The following PUS7 variants were observed in gnomAD, a reference collection of about 807,000 sequenced individuals.
The protein encoded by PUS7 is pseudouridylate synthase 7 homolog.
PUS7 carries 48 observed loss-of-function variants against 79.8 expected under a neutral mutation model. That is an observed-to-expected ratio of 0.60 (90% CI 0.48 to 0.76). PUS7 has a LOEUF of 0.76. Among genes scored for constraint, PUS7 ranks in the 30% least tolerant of loss-of-function variants. PUS7 has a pLI of 0.00. For missense variants in PUS7, 729 were observed against 797.6 expected, an observed-to-expected ratio of 0.91 and a Z score of 1.04; for synonymous variants, 286 against 272.2, an observed-to-expected ratio of 1.05 and a Z score of -0.50.
chr7:105,463,672 A>T (rs1343506501), intron 13 of PUS7, among the ~76,000 whole-genome samples: 4 of 151,682 alleles, frequency 2.6e-5, no homozygotes, highest in African/African-American at 9.7e-5. Context: ...CATCTTACTA[A>T]ATTATTTATT....
chr7:105,479,514 G>T (rs541698846), intron 9 of PUS7, among the ~76,000 whole-genome samples: 1 of 152,154 alleles, frequency 6.6e-6, no homozygotes, highest in Admixed American at 6.6e-5. Context: ...ACTCCCACGC[G>T]AATAATTAGT....
intron 12 of PUS7, 137 bp from the exon 13 acceptor site, chr7:105,465,551 T>C (rs1823604513): frequency 6.0e-6 from 4 of 662,604 alleles, no homozygotes; most frequent in Non-Finnish European, 9.8e-6. Context: ...GCTTAAATTA[T>C]GCCAGGTGCG....
intron 7 of PUS7, among the ~76,000 whole-genome samples, chr7:105,487,978 G>A (rs1000923201): frequency 7.9e-5 from 12 of 152,134 alleles, no homozygotes; most frequent in African/African-American, 2.2e-4. Context: ...AAGTTCCCAC[G>A]GGAAAGGCCA....
At chr7:105,467,700 C>T (rs953690783) in intron 12 of PUS7, among the ~76,000 whole-genome samples, 4 of 151,900 alleles carry the variant, frequency 2.6e-5, no homozygotes, top group Non-Finnish European at 5.9e-5. Context: ...TAGCCCAAAT[C>T]CTATTTGAGT....
At chr7:105,458,455 C>T (rs762667914) in intron 15 of PUS7, among the ~76,000 whole-genome samples, 3 of 150,244 alleles carry the variant, frequency 2.0e-5, no homozygotes, top group Non-Finnish European at 4.4e-5. Flanking sequence ...TCAGTAGAGA[C>T]GGGGTTTTGT....
At position 105,506,335 on chromosome 7, in the gene PUS7, T is replaced by C. The variant is rs1825457189; in HGVS notation, c.399-62A>G. The C allele has an allele frequency of 1.9e-5, 24 of 1,234,298 alleles. No homozygotes were observed. The South Asian group carries it at 2.7e-4, about 14-fold the overall frequency. 76.5% of individuals were successfully genotyped at this position (1,234,298 alleles called of 1,614,324 possible). A position where few individuals can be genotyped will look rare whatever the true frequency, so the allele number is the denominator to read the frequency against. The stretch of plus-strand genomic sequence containing the variant: ...ATCCTGTTTTCTATTAATTTTAAGA[T>C]AAAGTTGATCAACAGCAAGCCTTAC... On this transcript the variant is annotated intron_variant, in intron 2 of 15. Transcript: ENST00000469408.
chr7:105,501,669 G>A (rs1825253615), intron 5 of PUS7, among the ~76,000 whole-genome samples: 1 of 151,844 alleles, frequency 6.6e-6, no homozygotes, highest in Non-Finnish European at 1.5e-5. Context: ...CAATACAGGG[G>A]TCTTGGCCGG....
intron 1 of PUS7, among the ~76,000 whole-genome samples, chr7:105,516,734 C>T (rs934507028): frequency 1.2e-4 from 19 of 152,014 alleles, no homozygotes; most frequent in Non-Finnish European, 2.6e-4. Flanking sequence ...GGATTACAGG[C>T]GTGAGCCAGT....
chr7:105,512,519 G>A (rs879749713), intron 1 of PUS7, among the ~76,000 whole-genome samples: 4 of 152,190 alleles, frequency 2.6e-5, no homozygotes, highest in Non-Finnish European at 4.4e-5. Context: ...GAAGAGGAAG[G>A]AAAAGCAGGA....
At chr7:105,521,226 T>C (rs796504748) in intron 1 of PUS7, among the ~76,000 whole-genome samples, 1 of 149,960 alleles carries the variant, frequency 6.7e-6, no homozygotes, top group Admixed American at 6.7e-5. Flanking sequence ...GATTAGAGGC[T>C]TGGGGATGGG....
chr7:105,463,096 G>A (rs989732606), intron 13 of PUS7, among the ~76,000 whole-genome samples: 15 of 152,320 alleles, frequency 9.8e-5, no homozygotes, highest in Admixed American at 7.2e-4. Context: ...AGCATATACA[G>A]AGGCTTCAAA....
At chr7:105,459,342 AG>A in intron 14 of PUS7, 83 bp from the exon 15 acceptor site, 1 of 803,772 alleles carries the variant, frequency 1.2e-6, no homozygotes, top group Non-Finnish European at 1.9e-6. Flanking sequence ...TTATTTAGCA[AG>A]AAAAACAAGT....
intron 4 of PUS7, among the ~76,000 whole-genome samples, chr7:105,504,582 T>A (rs181882540): frequency 6.6e-6 from 1 of 152,320 alleles, no homozygotes; most frequent in South Asian, 2.1e-4. Flanking sequence ...AGCTTGCCCA[T>A]AGTTTATGCC....
At chr7:105,513,837 CAA>C (rs563422686) in intron 1 of PUS7, among the ~76,000 whole-genome samples, 527 of 83,570 alleles carry the variant, frequency 6.3e-3, no homozygotes, top group African/African-American at 0.018. Context: ...GACTCCGTCT[CAA>C]AAAAAAAAAA....
At chr7:105,464,035 T>C (rs2133047437) in intron 13 of PUS7, among the ~76,000 whole-genome samples, 1 of 152,270 alleles carries the variant, frequency 6.6e-6, no homozygotes, top group Admixed American at 6.5e-5. Context: ...GGTATGCATG[T>C]GTTACATACC....
intron 11 of PUS7, 150 bp downstream of exon 11, chr7:105,470,538 A>G (rs1311414590): frequency 1.2e-6 from 1 of 861,100 alleles, no homozygotes; most frequent in South Asian, 2.8e-5. Context: ...GGGTCTGAAC[A>G]AAGACTACTC....
chr7:105,519,004 A>G (rs1417252335), intron 1 of PUS7, among the ~76,000 whole-genome samples: 9 of 152,052 alleles, frequency 5.9e-5, no homozygotes, highest in Non-Finnish European at 1.2e-4. Context: ...TCCTGACCTC[A>G]TGATTCGCCC....
chr7:105,481,492 G>C (rs1205093365), intron 8 of PUS7, among the ~76,000 whole-genome samples: 1 of 152,072 alleles, frequency 6.6e-6, no homozygotes, highest in East Asian at 1.9e-4. Context: ...ATTCCTACAT[G>C]CTTAGTGTTC....
At chr7:105,480,170 C>G (rs1346988976) in intron 9 of PUS7, among the ~76,000 whole-genome samples, 1 of 151,968 alleles carries the variant, frequency 6.6e-6, no homozygotes, top group Admixed American at 6.6e-5. Flanking sequence ...TTACCTGTTA[C>G]AAAATAAAAA....
Sources: gnomAD v4.1 joint callset for allele counts (sites outside exome capture counted in the v4.1 genomes callset) on GRCh38, gnomAD v4.1.1 for gene constraint, MANE v1.5 for transcripts, NCBI Gene and HGNC (gene_info 2026-07-23, HGNC 2026-07-21) for gene names.